RBM19: variants seen among roughly 807,000 people sequenced by gnomAD.
RBM19 encodes probable RNA-binding protein 19.
RBM19 carries 94 observed loss-of-function variants against 116.8 expected under a neutral mutation model. The ratio of observed to expected loss-of-function variants is 0.80; its 90% CI spans 0.68 to 0.95. The LOEUF (loss-of-function observed/expected upper bound fraction) is 0.95. Ranked by LOEUF, RBM19 falls within the 40% of genes least tolerant of loss-of-function variation. The pLI is 0.00. For synonymous variants in RBM19, 475 were observed against 494.1 expected (o/e 0.96, Z 0.51); for missense variants, 1,161 against 1,220.7 (o/e 0.95, Z 0.73).
At chr12:113,878,191 T>C (rs1879804970) in intron 21 of RBM19, among the ~76,000 whole-genome samples, 1 of 152,002 alleles carries the variant, frequency 6.6e-6, no homozygotes, top group Non-Finnish European at 1.5e-5. Flanking sequence ...CCCCACTCCA[T>C]CCTTAGGCAT....
At chr12:113,928,659 G>GTA in intron 16 of RBM19, among the ~76,000 whole-genome samples, 1 of 151,138 alleles carries the variant, frequency 6.6e-6, no homozygotes, top group East Asian at 2.0e-4. Context: ...GTGTGTGTGT[G>GTA]TGTCTGCAGC....
intron 21 of RBM19, among the ~76,000 whole-genome samples, chr12:113,863,578 T>A (rs954367322): frequency 6.6e-5 from 10 of 152,104 alleles, no homozygotes; most frequent in Non-Finnish European, 1.3e-4. Flanking sequence ...TCCCAGGACA[T>A]AAGTCCCCCT....
intron 23 of RBM19, among the ~76,000 whole-genome samples, chr12:113,824,692 GA>G (rs1874709207): frequency 6.6e-6 from 1 of 152,016 alleles, no homozygotes; most frequent in Non-Finnish European, 1.5e-5. Context: ...GCCCAGAGAT[GA>G]AGACTTGGTT....
chr12:113,823,468 AAG>A, intron 23 of RBM19, 147 bp from the exon 24 acceptor site: 1 of 659,578 alleles, frequency 1.5e-6, no homozygotes, highest in Non-Finnish European at 2.6e-6. Context: ...GAGAGAATGC[AAG>A]AGAGGGAAGT....
intron 10 of RBM19, 100 bp downstream of exon 10, chr12:113,948,733 G>A (rs1871239068): frequency 4.2e-6 from 5 of 1,183,048 alleles, no homozygotes; most frequent in African/African-American, 1.5e-5. Context: ...CAAGAGATGT[G>A]GAGTCGTGTG....
chr12:113,930,482 C>A (rs928339260), intron 16 of RBM19, among the ~76,000 whole-genome samples: 1 of 152,246 alleles, frequency 6.6e-6, no homozygotes, highest in African/African-American at 2.4e-5. Context: ...CCTTCCCTGG[C>A]AGATCAGCTG....
At chr12:113,926,352 T>C (rs1283832857) in intron 17 of RBM19, among the ~76,000 whole-genome samples, 1 of 152,192 alleles carries the variant, frequency 6.6e-6, no homozygotes, top group African/African-American at 2.4e-5. Flanking sequence ...CCTGCTGTTA[T>C]TCATTAAAAC....
rs535319218 is a variant in RBM19 at position 113,878,699 on chromosome 12, C to T, written c.2559-19803G>A. Reference sequence around the variant, plus strand: ...CTCACTCAGCAAACGTCCCATAGCACGGGGATGGCAGGAAAGCCGCCCAAG... The same window carrying T: ...CTCACTCAGCAAACGTCCCATAGCATGGGGATGGCAGGAAAGCCGCCCAAG... On this transcript the variant is annotated intron_variant, in intron 21 of 23. Transcript: ENST00000261741. Among the ~76,000 whole-genome samples the T allele has an allele frequency of 7.3e-5, 11 of 150,378 alleles. 1 individual carries two copies. The South Asian group carries it at 2.4e-3, about 32-fold the overall frequency.
chr12:113,825,622 TG>T lies in RBM19; in HGVS notation c.2786-2302del, dbSNP rs1468927579. Among the ~76,000 whole-genome samples the T allele has an allele frequency of 1.3e-5, 2 of 152,134 alleles. No homozygotes were observed. Among genetic ancestry groups the T allele is most frequent in the Non-Finnish European group, 2.9e-5 (2 of 67,996 alleles). The stretch of plus-strand genomic sequence containing the variant: ...CTGCCTTCCTGGGCCAGGCCTGGCC[TG>T]GGGTCTAAGGGATGGCCAGCGGTGG... On this transcript the variant is annotated intron_variant, in intron 23 of 23. Coordinates refer to ENST00000261741, the MANE Select transcript of RBM19 (RefSeq NM_016196.4). The surrounding 1 kb of genome is among the most constrained non-coding windows in gnomAD (Gnocchi z 5.7).
intron 23 of RBM19, among the ~76,000 whole-genome samples, chr12:113,840,448 C>A (rs914481179): frequency 6.6e-6 from 1 of 152,246 alleles, no homozygotes; most frequent in African/African-American, 2.4e-5. Flanking sequence ...AAACATAACC[C>A]CTACCTCTGG....
chr12:113,942,594 C>T (rs1419273615), intron 13 of RBM19, among the ~76,000 whole-genome samples, 160 bp from the exon 14 acceptor site: 1 of 125,856 alleles, frequency 7.9e-6, no homozygotes, highest in African/African-American at 3.1e-5. Context: ...CGGCTCTGTG[C>T]TTTTTTTTTT....
At chr12:113,852,078 A>C (rs1276348944) in intron 22 of RBM19, among the ~76,000 whole-genome samples, 2 of 152,122 alleles carry the variant, frequency 1.3e-5, no homozygotes, top group African/African-American at 4.8e-5. Context: ...TAATGCTGTT[A>C]AAAGGGAGGA....
chr12:113,949,145 G>A (rs1871283939), intron 9 of RBM19, 109 bp from the exon 10 acceptor site: 1 of 1,047,690 alleles, frequency 9.5e-7, no homozygotes, highest in Non-Finnish European at 1.4e-6. Flanking sequence ...ACACAATCAA[G>A]GTGGCAGATG....
chr12:113,891,486 G>T (rs994448293), intron 21 of RBM19, among the ~76,000 whole-genome samples: 18 of 152,320 alleles, frequency 1.2e-4, no homozygotes, highest in African/African-American at 4.1e-4. Context: ...ATTTGCCAGG[G>T]TTGGTTTGGA....
downstream of RBM19, chr12:113,817,288 G>A (rs1462986037): frequency 1.3e-5 from 2 of 152,286 alleles, no homozygotes; most frequent in Admixed American, 6.5e-5. Context: ...GGCACACAGA[G>A]CGACCCGAGT....
At chr12:113,873,844 G>T (rs945435975) in intron 21 of RBM19, among the ~76,000 whole-genome samples, 1 of 152,222 alleles carries the variant, frequency 6.6e-6, no homozygotes, top group Non-Finnish European at 1.5e-5. Context: ...GAAATGAGAC[G>T]CATGGTGCGG....
intron 23 of RBM19, among the ~76,000 whole-genome samples, chr12:113,824,992 C>T (rs1293213717): frequency 3.3e-5 from 5 of 152,178 alleles, no homozygotes; most frequent in Non-Finnish European, 7.4e-5. Flanking sequence ...CCGGCAGCAC[C>T]CAGATCTCCC....
intron 21 of RBM19, among the ~76,000 whole-genome samples, chr12:113,894,416 T>A (rs1707728399): frequency 6.6e-6 from 1 of 152,190 alleles, no homozygotes; most frequent in Non-Finnish European, 1.5e-5. Context: ...ATAACAGGCT[T>A]AATCTAGGCT....
chr12:113,817,134 C>A (rs1021179992), downstream of RBM19: 9 of 152,186 alleles, frequency 5.9e-5, no homozygotes, highest in Admixed American at 2.0e-4. Context: ...GCACAAAAGA[C>A]AAAAAAGACC....
Sources: gnomAD v4.1 joint callset for allele counts (sites outside exome capture counted in the v4.1 genomes callset) on GRCh38, gnomAD v4.1.1 for gene constraint, Gnocchi (gnomAD v3.1) non-coding constraint, MANE v1.5 for transcripts, NCBI Gene and HGNC (gene_info 2026-07-23, HGNC 2026-07-21) for gene names.